Variants in SNX4 observed in about 807,000 individuals in gnomAD.
The protein encoded by SNX4 is sorting nexin 4.
Under a neutral mutation model 70.8 loss-of-function variants are expected in SNX4, and 49 were observed. The observed-to-expected ratio is 0.69, with a 90% CI of 0.55 to 0.88. The LOEUF is 0.88. SNX4 is among the 40% of genes least tolerant of loss of function. The pLI is 0.00. For missense variants in SNX4, 528 were observed against 544.8 expected (o/e 0.97, Z 0.31); for synonymous variants, 206 against 183.8 (o/e 1.12, Z -0.98).
chr3:125,465,070 C>T (rs1216478146), intron 9 of SNX4, among the ~76,000 whole-genome samples: 1 of 151,854 alleles, frequency 6.6e-6, no homozygotes, highest in Non-Finnish European at 1.5e-5. Context: ...TTTGTAGAGA[C>T]AGGGTTTTGC....
At chr3:125,503,317 T>G (rs955698064) in intron 2 of SNX4, among the ~76,000 whole-genome samples, 184 of 152,356 alleles carry the variant, frequency 1.2e-3, no homozygotes, top group African/African-American at 4.3e-3. Flanking sequence ...AATAGTACAC[T>G]ATTCTTTATA....
chr3:125,449,453 G>T (rs1933519418), intron 13 of SNX4, among the ~76,000 whole-genome samples: 1 of 151,434 alleles, frequency 6.6e-6, no homozygotes, highest in South Asian at 2.1e-4. Flanking sequence ...AAGAAAGAAG[G>T]TCTCACTATG....
intron 11 of SNX4, 27 bp downstream of exon 11, chr3:125,457,239 A>G (rs1360587297): frequency 6.6e-7 from 1 of 1,515,968 alleles, no homozygotes; most frequent in Non-Finnish European, 9.2e-7. Flanking sequence ...CTACAGTATC[A>G]TCAGAGGCCA....
intron 2 of SNX4, 118 bp downstream of exon 2, chr3:125,504,505 G>T: frequency 2.0e-6 from 2 of 996,088 alleles, no homozygotes; most frequent in Non-Finnish European, 2.9e-6. Flanking sequence ...AAGAAACAAA[G>T]TCAATCCCGA....
intron 1 of SNX4, among the ~76,000 whole-genome samples, chr3:125,506,099 A>AAAAT (rs1475526697): frequency 3.9e-5 from 6 of 152,154 alleles, no homozygotes; most frequent in African/African-American, 4.8e-5. Context: ...CAGTAATTAA[A>AAAAT]AAATAAATAA....
intron 6 of SNX4, among the ~76,000 whole-genome samples, chr3:125,487,896 A>T (rs1439101417): frequency 2.0e-5 from 3 of 152,100 alleles, no homozygotes; most frequent in African/African-American, 7.2e-5. Context: ...TGGTGGATAC[A>T]CGTCATTATC....
At chr3:125,460,002 G>T (rs1039033803) in intron 10 of SNX4, among the ~76,000 whole-genome samples, 4 of 151,764 alleles carry the variant, frequency 2.6e-5, no homozygotes, top group Non-Finnish European at 5.9e-5. Context: ...AGACCAGCCT[G>T]GCCAACAACG....
intron 2 of SNX4, among the ~76,000 whole-genome samples, chr3:125,502,349 C>CTT (rs34542195): frequency 6.8e-6 from 1 of 147,990 alleles, no homozygotes; most frequent in African/African-American, 2.5e-5. Context: ...AATTTTCTTT[C>CTT]TTTTTTTTTT....
intron 2 of SNX4, among the ~76,000 whole-genome samples, chr3:125,499,315 G>A (rs1186739963): frequency 6.6e-6 from 1 of 152,146 alleles, no homozygotes; most frequent in Non-Finnish European, 1.5e-5. Context: ...TCCATGAAAT[G>A]CACAAGGTGT....
At chr3:125,479,886 G>A (rs1471367827) in intron 7 of SNX4, among the ~76,000 whole-genome samples, 3 of 152,064 alleles carry the variant, frequency 2.0e-5, no homozygotes, top group Non-Finnish European at 4.4e-5. Flanking sequence ...ACAGACACAG[G>A]ATGGCCTAAC....
At chr3:125,485,291 T>C (rs772671108) in intron 6 of SNX4, among the ~76,000 whole-genome samples, 20 of 152,048 alleles carry the variant, frequency 1.3e-4, no homozygotes, top group Admixed American at 2.6e-4. Context: ...AACTTATCTA[T>C]TTTATATGGC....
chr3:125,485,639 A>G (rs73191113), intron 6 of SNX4, among the ~76,000 whole-genome samples: 28,997 of 152,008 alleles, frequency 0.19, 2,757 homozygotes, highest in Admixed American at 0.24. Flanking sequence ...AGTTTTCTCT[A>G]CCTAGCTATT....
At chr3:125,467,082 T>TA (rs1934042716) in intron 9 of SNX4, among the ~76,000 whole-genome samples, 1 of 62,314 alleles carries the variant, frequency 1.6e-5, no homozygotes, top group African/African-American at 7.1e-5. Flanking sequence ...GACTCTGTCT[T>TA]CCAAAAAAAA....
chr3:125,511,560 G>A (rs1328934691), intron 1 of SNX4, among the ~76,000 whole-genome samples: 3 of 152,104 alleles, frequency 2.0e-5, no homozygotes, highest in Non-Finnish European at 4.4e-5. Flanking sequence ...TACACCACTG[G>A]CAGACCCTAG....
chr3:125,515,724 TGA>T (rs1385775507), intron 1 of SNX4, among the ~76,000 whole-genome samples: 3 of 151,432 alleles, frequency 2.0e-5, no homozygotes, highest in Non-Finnish European at 1.5e-5. Context: ...CAAAAAAATC[TGA>T]GAGCCACTGA....
chr3:125,462,110 T>C (rs1034600894), intron 9 of SNX4, among the ~76,000 whole-genome samples: 4 of 152,200 alleles, frequency 2.6e-5, no homozygotes, highest in Non-Finnish European at 4.4e-5. Context: ...TCAACACCTC[T>C]AGGAAATTTT....
Position 125,471,344 on chromosome 3 carries a change from CAAAAAAAAAAAAAAAA to C in SNX4, c.789-1841_789-1826del, listed in dbSNP as rs767432586. 3.9e-4 allele frequency among the ~76,000 whole-genome samples: 11 copies of C among 28,164 alleles called. 1 individual carries two copies. The South Asian group carries it at 0.021, about 53-fold the overall frequency. The allele number at this position is 28,164 out of a possible 152,430, so 18.5% of individuals were successfully genotyped here. ...GGGCAACAAGAGCAAAGCTCCATCTCAAAAAAAAAAAAAAAAAAAAAAAAAAAGCTTTTCACCACTT... is the reference window on the plus strand; with the variant it reads ...GGGCAACAAGAGCAAAGCTCCATCTCAAAAAAAAAAAGCTTTTCACCACTT... On this transcript the variant is annotated intron_variant, in intron 8 of 13. Coordinates refer to ENST00000251775, the MANE Select transcript of SNX4 (RefSeq NM_003794.4).
chr3:125,487,011 C>G (rs566278450), intron 6 of SNX4, among the ~76,000 whole-genome samples: 1 of 152,306 alleles, frequency 6.6e-6, no homozygotes, highest in East Asian at 1.9e-4. Context: ...CACTCACTTG[C>G]TCTTAACAGT....
intron 7 of SNX4, among the ~76,000 whole-genome samples, chr3:125,478,083 T>G: frequency 1.3e-5 from 2 of 151,446 alleles, no homozygotes; most frequent in Middle Eastern, 6.9e-3. Context: ...CTATTATTAT[T>G]ATTATTATTA....
Sources: gnomAD v4.1 joint callset for allele counts (sites outside exome capture counted in the v4.1 genomes callset) on GRCh38, gnomAD v4.1.1 for gene constraint, MANE v1.5 for transcripts, NCBI Gene and HGNC (gene_info 2026-07-23, HGNC 2026-07-21) for gene names.